The following COX7B2 variants were observed in gnomAD, a reference collection of about 807,000 sequenced individuals.
COX7B2 encodes the protein cytochrome c oxidase subunit 7B2.
For synonymous variants in COX7B2, 37 were observed against 32.1 expected, an observed-to-expected ratio of 1.15 and a Z score of -0.51; for missense variants, 109 against 95.9, an observed-to-expected ratio of 1.14 and a Z score of -0.57.
At chr4:46,805,073 C>T (rs1204350690) in intron 2 of COX7B2, among the ~76,000 whole-genome samples, 1 of 152,182 alleles carries the variant, frequency 6.6e-6, no homozygotes, top group Non-Finnish European at 1.5e-5. Flanking sequence ...GCGGGGCTGG[C>T]CAGCCACTCC....
intron 2 of COX7B2, among the ~76,000 whole-genome samples, chr4:46,752,533 C>T (rs1715454024): frequency 6.6e-6 from 1 of 151,880 alleles, no homozygotes; most frequent in Non-Finnish European, 1.5e-5. Flanking sequence ...TTTGCCAATT[C>T]AGTATGTAAT....
intron 2 of COX7B2, among the ~76,000 whole-genome samples, chr4:46,809,871 T>C (rs1233157551): frequency 6.6e-6 from 1 of 151,940 alleles, no homozygotes; most frequent in Non-Finnish European, 1.5e-5. Context: ...ATTATTGTAC[T>C]ACTATCTATT....
intron 1 of COX7B2, among the ~76,000 whole-genome samples, chr4:46,862,148 T>C (rs1473621929): frequency 6.6e-6 from 1 of 152,136 alleles, no homozygotes; most frequent in Non-Finnish European, 1.5e-5. Context: ...AACAATCCTA[T>C]CAACCCCTTC....
At chr4:46,743,626 A>C (rs1448521590) in intron 2 of COX7B2, among the ~76,000 whole-genome samples, 1 of 152,182 alleles carries the variant, frequency 6.6e-6, no homozygotes, top group East Asian at 1.9e-4. Context: ...ATGTTATCTA[A>C]GTTTTGAGAA....
intron 2 of COX7B2, among the ~76,000 whole-genome samples, chr4:46,820,123 G>A (rs1198038192): frequency 6.6e-6 from 1 of 152,122 alleles, no homozygotes; most frequent in African/African-American, 2.4e-5. Flanking sequence ...TTATTACACT[G>A]TAATATATAA....
intron 2 of COX7B2, among the ~76,000 whole-genome samples, chr4:46,821,897 TTTTG>T (rs1039993209): frequency 3.3e-5 from 5 of 152,000 alleles, no homozygotes; most frequent in South Asian, 2.1e-4. Flanking sequence ...ATTCATTTTT[TTTTG>T]TTTGTTTTGT....
At chr4:46,844,053 G>C (rs1030930686) in intron 2 of COX7B2, among the ~76,000 whole-genome samples, 2 of 151,760 alleles carry the variant, frequency 1.3e-5, no homozygotes, top group Non-Finnish European at 1.5e-5. Flanking sequence ...ATCAACATTT[G>C]GGTTATTTAG....
intron 1 of COX7B2, among the ~76,000 whole-genome samples, chr4:46,884,647 T>C (rs941977965): frequency 1.3e-5 from 2 of 152,238 alleles, no homozygotes; most frequent in African/African-American, 4.8e-5. Context: ...AATACTGTCA[T>C]ATTCACATTG....
chr4:46,867,264 G>A (rs1717721234), intron 1 of COX7B2, among the ~76,000 whole-genome samples: 1 of 152,132 alleles, frequency 6.6e-6, no homozygotes. Context: ...ACAGAAGATG[G>A]ACCTCCACTC....
At chr4:46,812,730 A>C (rs2109666261) in intron 2 of COX7B2, among the ~76,000 whole-genome samples, 1 of 152,222 alleles carries the variant, frequency 6.6e-6, no homozygotes, top group Middle Eastern at 3.4e-3. Flanking sequence ...AAGGTGCATA[A>C]CCACAGCTCA....
chr4:46,786,475 T>C (rs989571209), intron 2 of COX7B2, among the ~76,000 whole-genome samples: 2 of 152,208 alleles, frequency 1.3e-5, no homozygotes, highest in African/African-American at 2.4e-5. Context: ...TGCTTACTTA[T>C]TTTGCTTCTA....
At chr4:46,855,038 G>C (rs1448790856) in intron 1 of COX7B2, among the ~76,000 whole-genome samples, 2 of 152,076 alleles carry the variant, frequency 1.3e-5, no homozygotes, top group African/African-American at 2.4e-5. Flanking sequence ...ATTAACAAAA[G>C]TTTATTAGGC....
intron 2 of COX7B2, among the ~76,000 whole-genome samples, chr4:46,773,846 G>A (rs979915341): frequency 6.6e-6 from 1 of 152,008 alleles, no homozygotes; most frequent in African/African-American, 2.4e-5. Context: ...GCCACTTTGA[G>A]GCTTTTATCT....
chr4:46,900,080 G>A (rs928936756), intron 1 of COX7B2, among the ~76,000 whole-genome samples: 4 of 152,076 alleles, frequency 2.6e-5, no homozygotes, highest in Admixed American at 6.6e-5. Flanking sequence ...CCTAATGATG[G>A]AGCTAACTGT....
intron 1 of COX7B2, among the ~76,000 whole-genome samples, chr4:46,883,238 TG>T (rs1718862016): frequency 6.6e-6 from 1 of 152,228 alleles, no homozygotes; most frequent in East Asian, 1.9e-4. Context: ...CATTATCATT[TG>T]CTTTCAATTG....
intron 1 of COX7B2, among the ~76,000 whole-genome samples, chr4:46,904,322 C>A (rs1720247886): frequency 6.6e-6 from 1 of 151,926 alleles, no homozygotes; most frequent in South Asian, 2.1e-4. Flanking sequence ...TCAACTCCAT[C>A]ATATAAAAAG....
At chr4:46,844,728 A>G (rs143682152) in intron 2 of COX7B2, among the ~76,000 whole-genome samples, 16 of 152,204 alleles carry the variant, frequency 1.1e-4, no homozygotes, top group African/African-American at 3.4e-4. Context: ...TTTACTGCTG[A>G]TAAAAAATAT....
intron 2 of COX7B2, among the ~76,000 whole-genome samples, chr4:46,800,149 A>T (rs1360162733): frequency 6.6e-6 from 1 of 152,138 alleles, no homozygotes; most frequent in Non-Finnish European, 1.5e-5. Flanking sequence ...TGGTGTTTAC[A>T]TGCTCATAAA....
intron 2 of COX7B2, among the ~76,000 whole-genome samples, chr4:46,763,044 ATAT>A (rs1229251579): frequency 2.2e-5 from 3 of 133,886 alleles, no homozygotes; most frequent in African/African-American, 8.5e-5. Flanking sequence ...TATATATTAT[ATAT>A]TATAATATGT....
Sources: gnomAD v4.1 joint callset for allele counts (sites outside exome capture counted in the v4.1 genomes callset) on GRCh38, gnomAD v4.1.1 for gene constraint, MANE v1.5 for transcripts, NCBI Gene and HGNC (gene_info 2026-07-23, HGNC 2026-07-21) for gene names.